The following KCND3 variants were observed in gnomAD, a reference collection of about 807,000 sequenced individuals.
The protein encoded by KCND3 is A-type voltage-gated potassium channel KCND3.
In KCND3, 9 loss-of-function variants were observed where a neutral mutation model predicts 51.1. That is an observed-to-expected ratio of 0.18 (90% CI 0.11 to 0.31). KCND3 has a LOEUF of 0.31. KCND3 is among the 10% of genes least tolerant of loss of function. The pLI is 1.00. For synonymous variants in KCND3, 349 were observed against 368.0 expected, an observed-to-expected ratio of 0.95 and a Z score of 0.59; for missense variants, 526 against 903.8, an observed-to-expected ratio of 0.58 and a Z score of 5.36.
At chr1:111,985,404 G>A (rs1251249167) in intron 1 of KCND3, among the ~76,000 whole-genome samples, 3 of 152,218 alleles carry the variant, frequency 2.0e-5, no homozygotes, top group Non-Finnish European at 4.4e-5. Context: ...TCTCAATGTG[G>A]AGTTCAAGAG....
chr1:111,780,807 A>T lies in KCND3; in HGVS notation c.1270-16T>A. On this transcript the variant is annotated splice_polypyrimidine_tract_variant and intron_variant, in intron 3 of 7. Transcript: ENST00000302127. The surrounding 1 kb of genome is among the most constrained non-coding windows in gnomAD (Gnocchi z 4.2). ...GGCGGGCCTTCTGTGATTGGCAGAG[A>T]TAATAAAAGAATGAGGCAGACCATG... 1 of 1,600,794 alleles carries T rather than the reference A, an allele frequency of 6.2e-7. No individual in the cohort carries two copies. The highest frequency in any genetic ancestry group is 8.5e-7 in the Non-Finnish European group (1 of 1,171,010).
chr1:111,819,478 C>T (rs748602951), intron 2 of KCND3, among the ~76,000 whole-genome samples: 14 of 152,136 alleles, frequency 9.2e-5, no homozygotes, highest in Admixed American at 5.2e-4. Flanking sequence ...TAAATATTCA[C>T]AGAATTCTAA....
chr1:111,780,860 G>T lies in KCND3; in HGVS notation c.1270-69C>A. On this transcript the variant is annotated intron_variant, in intron 3 of 7. Coordinates refer to ENST00000302127, the MANE Select transcript of KCND3 (RefSeq NM_001378969.1). The surrounding 1 kb of genome is among the most constrained non-coding windows in gnomAD (Gnocchi z 4.2). ...ACAAAAAGACAGCAAGGCTGGTGAA[G>T]CTGTGAGGCTGGCTTCCCAGGTGAC... is the stretch of plus-strand genomic sequence containing the variant. The T allele has an allele frequency of 7.4e-7, 1 of 1,354,580 alleles. No individual in the cohort carries two copies. The allele number at this position is 1,354,580 out of a possible 1,614,324, so 83.9% of individuals were successfully genotyped here.
chr1:111,919,124 A>G (rs546249440), intron 2 of KCND3, among the ~76,000 whole-genome samples: 19 of 151,492 alleles, frequency 1.3e-4, no homozygotes, highest in African/African-American at 4.6e-4. Context: ...AGTACCTACT[A>G]TGTGCCAAGC....
intron 2 of KCND3, among the ~76,000 whole-genome samples, chr1:111,960,519 G>C (rs961217636): frequency 6.6e-6 from 1 of 152,198 alleles, no homozygotes; most frequent in Admixed American, 6.5e-5. Context: ...GGTCAGGCAC[G>C]GACAGTTCCC....
chr1:111,776,073 G>A lies in KCND3; in HGVS notation c.*4C>T. ...TACCCACTCTGGCCCTCTGTCCAGTGGTTTTACAAGGCGGAGACCTTGACA... is the reference window on the plus strand; with the variant it reads ...TACCCACTCTGGCCCTCTGTCCAGTAGTTTTACAAGGCGGAGACCTTGACA... On this transcript the variant is annotated 3_prime_UTR_variant, in exon 8 of 8. Coordinates refer to ENST00000302127, the MANE Select transcript of KCND3 (RefSeq NM_001378969.1). 1.2e-6 allele frequency: 2 copies of A among 1,614,164 alleles called. No individual in the cohort carries two copies. The highest frequency in any genetic ancestry group is 1.7e-6 in the Non-Finnish European group (2 of 1,180,000).
At chr1:111,852,085 T>C (rs1326164167) in intron 2 of KCND3, among the ~76,000 whole-genome samples, 3 of 152,214 alleles carry the variant, frequency 2.0e-5, no homozygotes, top group Non-Finnish European at 4.4e-5. Flanking sequence ...CCCTGGAGGA[T>C]GGATGGAGCT....
chr1:111,772,598 C>T lies in KCND3; in HGVS notation c.*3479G>A, dbSNP rs1663967122. 6.6e-6 allele frequency: 1 copy of T among 152,222 alleles called. No homozygotes were observed. Among genetic ancestry groups the T allele is most frequent in the Non-Finnish European group, 1.5e-5 (1 of 68,048 alleles). The allele number at this position is 152,222 out of a possible 1,614,324, so 9.4% of individuals were successfully genotyped here. A position where few individuals can be genotyped will look rare whatever the true frequency, so the allele number is the denominator to read the frequency against. ...TCTCAGATCTGTCATTAAATAACTG[C>T]ATGACCTTGAACAAGTCATTTAATT... On this transcript the variant is annotated 3_prime_UTR_variant, in exon 8 of 8. Coordinates refer to ENST00000302127, the MANE Select transcript of KCND3 (RefSeq NM_001378969.1).
At chr1:111,889,002 C>G (rs1453229181) in intron 2 of KCND3, among the ~76,000 whole-genome samples, 2 of 152,102 alleles carry the variant, frequency 1.3e-5, no homozygotes, top group Non-Finnish European at 2.9e-5. Context: ...TGTGCGAGGG[C>G]AGCAGGAGGA....
chr1:111,971,469 C>T (rs1674326820), intron 2 of KCND3, among the ~76,000 whole-genome samples: 1 of 152,138 alleles, frequency 6.6e-6, no homozygotes, highest in Admixed American at 6.5e-5. Context: ...TAGACAGCAC[C>T]AAAGTTCCTA....
At chr1:111,918,585 T>C (rs569057164) in intron 2 of KCND3, among the ~76,000 whole-genome samples, 2 of 152,122 alleles carry the variant, frequency 1.3e-5, no homozygotes, top group South Asian at 4.2e-4. Context: ...CCATGGTGCT[T>C]TGGGGGCACA....
intron 2 of KCND3, among the ~76,000 whole-genome samples, chr1:111,980,076 C>T (rs71673444): frequency 0.018 from 2,727 of 152,230 alleles, 42 homozygotes; most frequent in Non-Finnish European, 0.024. Flanking sequence ...AGCACAAGCT[C>T]TCCAGTCCAT....
chr1:111,900,954 T>A (rs944233260), intron 2 of KCND3, among the ~76,000 whole-genome samples: 1 of 151,920 alleles, frequency 6.6e-6, no homozygotes, highest in African/African-American at 2.4e-5. Flanking sequence ...TGAAACTCCA[T>A]CTAAAAAAAC....
At chr1:111,945,610 C>A (rs1403714778) in intron 2 of KCND3, among the ~76,000 whole-genome samples, 1 of 152,198 alleles carries the variant, frequency 6.6e-6, no homozygotes, top group African/African-American at 2.4e-5. Flanking sequence ...TCGATTCAGG[C>A]TTTGGCCGGG....
chr1:111,842,714 A>G (rs376579611), intron 2 of KCND3, among the ~76,000 whole-genome samples: 1 of 152,164 alleles, frequency 6.6e-6, no homozygotes, highest in African/African-American at 2.4e-5. Context: ...TTTCCAACTC[A>G]GTTGTGTATA....
At chr1:111,886,298 C>T (rs555287184) in intron 2 of KCND3, among the ~76,000 whole-genome samples, 2 of 152,292 alleles carry the variant, frequency 1.3e-5, no homozygotes, top group South Asian at 4.1e-4. Context: ...CTGGGCAGGT[C>T]AGACCAAATT....
chr1:111,866,253 C>G (rs1467428419), intron 2 of KCND3, among the ~76,000 whole-genome samples: 1 of 62,846 alleles, frequency 1.6e-5, no homozygotes. Context: ...TTCTTTCTTT[C>G]TTTTCTTTTC....
intron 2 of KCND3, among the ~76,000 whole-genome samples, chr1:111,946,532 C>T (rs1048262822): frequency 1.3e-5 from 2 of 152,328 alleles, no homozygotes; most frequent in East Asian, 3.9e-4. Flanking sequence ...CCATTCAAAG[C>T]CTCCAGCCCC....
chr1:111,867,508 G>C (rs1301027338), intron 2 of KCND3, among the ~76,000 whole-genome samples: 1 of 152,152 alleles, frequency 6.6e-6, no homozygotes, highest in Admixed American at 6.5e-5. Context: ...CCCGCCTTAG[G>C]ATGCTTTTAG....
Sources: gnomAD v4.1 joint callset for allele counts (sites outside exome capture counted in the v4.1 genomes callset) on GRCh38, gnomAD v4.1.1 for gene constraint, Gnocchi (gnomAD v3.1) non-coding constraint, MANE v1.5 for transcripts, NCBI Gene and HGNC (gene_info 2026-07-23, HGNC 2026-07-21) for gene names.